Variants in UBE3B observed in about 807,000 individuals in gnomAD.
UBE3B encodes ubiquitin protein ligase E3B.
In UBE3B, 80 loss-of-function variants were observed where a neutral mutation model predicts 132.3. The observed-to-expected ratio is 0.60, with a 90% CI of 0.50 to 0.73. UBE3B has a LOEUF of 0.73. Among genes scored for constraint, UBE3B ranks in the 30% least tolerant of loss-of-function variants. The pLI is 0.00. For synonymous variants in UBE3B, 487 were observed against 520.4 expected (o/e 0.94, Z 0.87); for missense variants, 1,196 against 1,362.5 (o/e 0.88, Z 1.92).
chr12:109,514,233 T>C (rs1175459484), intron 18 of UBE3B, among the ~76,000 whole-genome samples: 1 of 152,008 alleles, frequency 6.6e-6, no homozygotes, highest in Non-Finnish European at 1.5e-5. Flanking sequence ...AGGTGTGGAG[T>C]GGGCAGAGGC....
intron 25 of UBE3B, 148 bp downstream of exon 25, chr12:109,530,220 A>AATCC: frequency 2.0e-6 from 2 of 980,826 alleles, no homozygotes; most frequent in Non-Finnish European, 2.9e-6. Context: ...GCTTTGGATT[A>AATCC]AAAGCTTGAC....
chr12:109,486,580 C>CAAAAAAAAAAAAAAAAAAAA lies in UBE3B; in HGVS notation c.447+9_447+28dup, dbSNP rs201336062. On this transcript the variant is annotated splice_donor_region_variant and intron_variant, in intron 6 of 27. Transcript: ENST00000342494. ...GATTTTCTCAAGCAGCTCAAGGTAA[C>CAAAAAAAAAAAAAAAAAAAA]AAAAAAAAAAAAAAAAAAAAAAAGC... 3.6e-6 allele frequency: 2 copies of CAAAAAAAAAAAAAAAAAAAA among 562,744 alleles called. No individual in the cohort carries two copies. The highest frequency in any genetic ancestry group is 5.1e-6 in the Non-Finnish European group (2 of 391,110). 34.9% of individuals were successfully genotyped at this position (562,744 alleles called of 1,614,324 possible).
intron 24 of UBE3B, among the ~76,000 whole-genome samples, chr12:109,527,727 C>A (rs1882503951): frequency 6.9e-6 from 1 of 144,858 alleles, no homozygotes; most frequent in Non-Finnish European, 1.6e-5. Flanking sequence ...GAGGGCCCAG[C>A]CAGGGCCAGA....
intron 26 of UBE3B, among the ~76,000 whole-genome samples, chr12:109,533,085 C>T (rs1362251409): frequency 6.6e-6 from 1 of 152,162 alleles, no homozygotes; most frequent in Non-Finnish European, 1.5e-5. Flanking sequence ...CATGGTCTCT[C>T]TGTGGGAGGG....
intron 12 of UBE3B, among the ~76,000 whole-genome samples, chr12:109,500,545 T>A (rs973190022): frequency 2.0e-5 from 3 of 152,136 alleles, no homozygotes; most frequent in Non-Finnish European, 4.4e-5. Flanking sequence ...AAAGACTCAT[T>A]GCTAGGGAAC....
chr12:109,488,488 C>A, intron 6 of UBE3B, 84 bp from the exon 7 acceptor site: 2 of 1,217,402 alleles, frequency 1.6e-6, no homozygotes, highest in Non-Finnish European at 2.4e-6. Flanking sequence ...GGCTGAGTGC[C>A]CATAGAGCAG....
At chr12:109,538,506 C>T (rs749998401), downstream of UBE3B, among the ~76,000 whole-genome samples, 9 of 152,222 alleles carry the variant, frequency 5.9e-5, no homozygotes, top group African/African-American at 2.2e-4. This position sits in a 1 kb window ranked among gnomAD's most constrained non-coding sequence, Gnocchi z 4.1. Flanking sequence ...TTGATGTCCC[C>T]TCCAGAGCAC....
rs534861882 is a variant in UBE3B at position 109,530,080 on chromosome 12, G to C, written c.2810+8G>C. The stretch of plus-strand genomic sequence containing the variant: ...TGATCTGGAAGATTTAAAGTAAGAG[G>C]CGGGTGGGGGGAAGGGTGAAATTCC... On this transcript the variant is annotated splice_region_variant and intron_variant, in intron 25 of 27. Transcript: ENST00000342494. 6.2e-7 allele frequency: 1 copy of C among 1,612,548 alleles called. No homozygotes were observed. Among genetic ancestry groups the C allele is most frequent in the South Asian group, 1.1e-5 (1 of 91,068 alleles).
At chr12:109,516,915 A>G in intron 19 of UBE3B, 31 bp downstream of exon 19, 1 of 1,608,274 alleles carries the variant, frequency 6.2e-7, no homozygotes, top group Non-Finnish European at 8.5e-7. Flanking sequence ...ATCCTACCAC[A>G]AGGAAGTGGG....
intron 14 of UBE3B, among the ~76,000 whole-genome samples, chr12:109,505,782 C>A (rs538153743): frequency 6.6e-6 from 1 of 152,306 alleles, no homozygotes; most frequent in East Asian, 1.9e-4. Flanking sequence ...TCTAAGTATC[C>A]TTCAGTAGCT....
rs1877393345 is a variant in UBE3B at position 109,491,078 on chromosome 12, C to T, written c.664C>T (p.Pro222Ser). ...LLTRGLARPR[P>S]CLSKGTLTAA... Reference sequence around the variant, plus strand: ...AACCCGTGGCCTGGCAAGACCCCGTCCTTGTCTATCCAAAGGCACTTTAAC... The same window carrying T: ...AACCCGTGGCCTGGCAAGACCCCGTTCTTGTCTATCCAAAGGCACTTTAAC... Residue 222 changes from proline (P) to serine (S), a missense_variant, in exon 9 of 28, where the codon CCT (proline) becomes TCT (serine). By Grantham distance (74) the Pro-to-Ser change is moderately conservative (BLOSUM62 -1). Coordinates refer to ENST00000342494, the MANE Select transcript of UBE3B (RefSeq NM_130466.4). 1 of 1,614,094 alleles carries T rather than the reference C, an allele frequency of 6.2e-7. No individual in the cohort carries two copies. The highest frequency in any genetic ancestry group is 1.3e-5 in the African/African-American group (1 of 75,048).
chr12:109,510,509 C>G (rs766009221), intron 17 of UBE3B, 51 bp downstream of exon 17: 1 of 1,442,882 alleles, frequency 6.9e-7, no homozygotes, highest in Non-Finnish European at 9.6e-7. Flanking sequence ...TGCTCCGGCA[C>G]GCTGCCCGAG....
intron 11 of UBE3B, 96 bp downstream of exon 11, chr12:109,498,449 G>C: frequency 7.0e-7 from 1 of 1,426,464 alleles, no homozygotes; most frequent in East Asian, 2.3e-5. Flanking sequence ...GTTGTTTTCT[G>C]TAACAATTGG....
chr12:109,484,772 TTC>T (rs559053982), intron 4 of UBE3B, among the ~76,000 whole-genome samples: 55 of 152,106 alleles, frequency 3.6e-4, no homozygotes, highest in African/African-American at 1.3e-3. Context: ...TTCTTTCATA[TTC>T]TGAGACAGGG....
At chr12:109,505,885 A>G (rs554230274) in intron 14 of UBE3B, among the ~76,000 whole-genome samples, 1 of 152,332 alleles carries the variant, frequency 6.6e-6, no homozygotes, top group East Asian at 1.9e-4. Context: ...AGTGCCCTAT[A>G]AGATGAGAGG....
chr12:109,530,559 C>T lies in UBE3B; in HGVS notation c.2823C>T (p.Val941=). 1.2e-6 allele frequency: 2 copies of T among 1,614,102 alleles called. No homozygotes were observed. The highest frequency in any genetic ancestry group is 1.7e-6 in the Non-Finnish European group (2 of 1,179,994). ...GTATTGCTTTCAGGAAGCACACAGT[C>T]TACTACGGTGGTTTCCATGGAAGTC... ...IDLEDLKKHT[V]YYGGFHGSHR... The change falls in exon 26 of 28, where the codon GTC becomes GTT. Residue 941 remains valine (V), a synonymous_variant. Transcript: ENST00000342494.
At chr12:109,501,329 C>T (rs746462871) in intron 12 of UBE3B, 42 bp from the exon 13 acceptor site, 7 of 1,610,814 alleles carry the variant, frequency 4.3e-6, no homozygotes, top group Non-Finnish European at 5.9e-6. Flanking sequence ...GGCCCTGCAT[C>T]AGATGGAACT....
At chr12:109,502,714 G>A (rs374025917) in intron 13 of UBE3B, among the ~76,000 whole-genome samples, 17 of 152,312 alleles carry the variant, frequency 1.1e-4, no homozygotes, top group African/African-American at 3.6e-4. Flanking sequence ...ATAGTCCTCT[G>A]AATTTTTACC....
intron 17 of UBE3B, 75 bp downstream of exon 17, chr12:109,510,533 T>C (rs964747258): frequency 4.1e-6 from 5 of 1,216,966 alleles, no homozygotes; most frequent in Non-Finnish European, 2.4e-6. Context: ...TCAGCTCTCA[T>C]GTTCTAGGGC....
Sources: allele counts gnomAD v4.1 joint callset (sites outside exome capture counted in the v4.1 genomes callset), GRCh38; gene constraint gnomAD v4.1.1; non-coding constraint Gnocchi (gnomAD v3.1); transcripts MANE v1.5; gene names NCBI Gene and HGNC (gene_info 2026-07-23, HGNC 2026-07-21).